Variants in EEA1 observed in about 807,000 individuals in gnomAD.
EEA1 encodes the protein early endosome antigen 1, also known as early endosome antigen 1, 162kD.
A neutral mutation model predicts 209.2 loss-of-function variants in EEA1; 111 were observed. That is an observed-to-expected ratio of 0.53 (90% CI 0.45 to 0.62). EEA1 has a LOEUF of 0.62. Ranked by LOEUF, EEA1 falls within the 20% of genes least tolerant of loss-of-function variation. The pLI, the probability that EEA1 is intolerant of heterozygous loss-of-function variation, is 0.00. For synonymous variants in EEA1, 536 were observed against 540.6 expected (o/e 0.99, Z 0.12); for missense variants, 1,343 against 1,530.8 (o/e 0.88, Z 2.05).
At chr12:92,853,150 T>A in intron 6 of EEA1, 125 bp from the exon 7 acceptor site, 1 of 567,332 alleles carries the variant, frequency 1.8e-6, no homozygotes, top group Non-Finnish European at 3.0e-6. Context: ...ACAAGTAGTA[T>A]TTTGACACTT....
intron 1 of EEA1, among the ~76,000 whole-genome samples, chr12:92,913,614 T>TTTTCCTAGGTTTTCTTCC (rs1880657918): frequency 6.6e-6 from 1 of 152,174 alleles, no homozygotes; most frequent in Non-Finnish European, 1.5e-5. Flanking sequence ...TCCAGAGAGA[T>TTTTCCTAGGTTTTCTTCC]TTTCCTAGGT....
At chr12:92,847,248 C>A (rs1402201029) in intron 9 of EEA1, among the ~76,000 whole-genome samples, 1 of 152,144 alleles carries the variant, frequency 6.6e-6, no homozygotes, top group Non-Finnish European at 1.5e-5. Flanking sequence ...AGCCACTGCA[C>A]CTGGCCCTTA....
At chr12:92,779,787 T>C (rs1873825741) in intron 24 of EEA1, among the ~76,000 whole-genome samples, 2 of 152,096 alleles carry the variant, frequency 1.3e-5, no homozygotes, top group African/African-American at 2.4e-5. Flanking sequence ...GAATCTAACC[T>C]TTTTTTAAGA....
At chr12:92,796,869 C>T (rs1436192375) in intron 21 of EEA1, among the ~76,000 whole-genome samples, 5 of 152,178 alleles carry the variant, frequency 3.3e-5, no homozygotes, top group African/African-American at 9.7e-5. Flanking sequence ...TCAATCTTTA[C>T]AACAACTCTA....
In EEA1 at chr12:92,884,423, G is replaced by A. The variant is rs1879294205; in HGVS notation, c.117+7206C>T. The A allele has an allele frequency of 2.9e-6, 4 of 1,371,716 alleles. No homozygotes were observed. In the South Asian group the frequency reaches 4.6e-5, roughly 16 times the overall value. 85.0% of individuals were successfully genotyped at this position (1,371,716 alleles called of 1,614,324 possible). The stretch of plus-strand genomic sequence containing the variant: ...TGGCAGGAATGACAACACTGGTAGT[G>A]GAGGAAACTTCAGTGGTGGTGGTGG... On this transcript the variant is annotated intron_variant, in intron 2 of 28. Transcript: ENST00000322349.
chr12:92,791,082 T>G (rs941670519), intron 21 of EEA1, among the ~76,000 whole-genome samples: 1 of 152,212 alleles, frequency 6.6e-6, no homozygotes, highest in African/African-American at 2.4e-5. Context: ...CTGAGAGATT[T>G]TGTCACCACC....
At chr12:92,855,467 A>T (rs1398592207) in intron 5 of EEA1, among the ~76,000 whole-genome samples, 1 of 134,222 alleles carries the variant, frequency 7.5e-6, no homozygotes, top group Non-Finnish European at 1.6e-5. Context: ...TCAAACTATC[A>T]CTACTAAAAA....
At chr12:92,858,756 GAA>G (rs1291743984) in intron 3 of EEA1, 1 of 766,720 alleles carries the variant, frequency 1.3e-6, no homozygotes, top group Non-Finnish European at 2.4e-6. Context: ...CCCTAAAGGA[GAA>G]AGTCATCAAA....
intron 2 of EEA1, among the ~76,000 whole-genome samples, chr12:92,873,725 A>G (rs1011015759): frequency 6.6e-6 from 1 of 152,198 alleles, no homozygotes; most frequent in Non-Finnish European, 1.5e-5. Flanking sequence ...GAGACCTTCA[A>G]TTGCCTCATC....
intron 1 of EEA1, among the ~76,000 whole-genome samples, chr12:92,913,650 G>C (rs1053683450): frequency 6.6e-6 from 1 of 151,862 alleles, no homozygotes; most frequent in African/African-American, 2.4e-5. Flanking sequence ...TTACTTCCAG[G>C]TTTTTTGTTT....
intron 3 of EEA1, 138 bp downstream of exon 3, chr12:92,864,722 A>C: frequency 1.3e-6 from 1 of 786,162 alleles, no homozygotes; most frequent in Non-Finnish European, 1.8e-6. Flanking sequence ...TAGTGGAGGA[A>C]GGATATGCTA....
At position 92,929,058 on chromosome 12, in the gene EEA1, CCTT is replaced by C. The variant is rs1881325351; in HGVS notation, c.6_8del (p.Arg4del). On this transcript the variant is annotated inframe_deletion, in exon 1 of 29. Transcript: ENST00000322349. ...ACTCTCTTACCCTCTGTAAAATCCTCCTTAACATGGTTTAACCACCACCCGGCG... is the reference window on the plus strand; with the variant it reads ...ACTCTCTTACCCTCTGTAAAATCCTCAACATGGTTTAACCACCACCCGGCG... 4 of 1,595,772 alleles carry C rather than the reference CCTT, an allele frequency of 2.5e-6. No individual in the cohort carries two copies. Among genetic ancestry groups the C allele is most frequent in the Non-Finnish European group, 3.4e-6 (4 of 1,171,946 alleles).
Position 92,838,492 on chromosome 12 carries a change from C to T in EEA1, c.915+3973G>A, listed in dbSNP as rs115033579. On this transcript the variant is annotated intron_variant, in intron 10 of 28. Coordinates refer to ENST00000322349, the MANE Select transcript of EEA1 (RefSeq NM_003566.4). ...AACTAAATTATGTAGAAGTTTTCTA[C>T]GTGTAGTTTGACAGGATATAAAAGG... 2.7e-3 allele frequency among the ~76,000 whole-genome samples: 412 copies of T among 152,152 alleles called. 1 individual carries two copies. The highest frequency in any genetic ancestry group is 8.7e-3 in the African/African-American group (363 of 41,512).
intron 20 of EEA1, among the ~76,000 whole-genome samples, chr12:92,799,515 G>A (rs572032037): frequency 1.3e-5 from 2 of 152,160 alleles, no homozygotes; most frequent in East Asian, 1.9e-4. Flanking sequence ...GGCCAGGCAC[G>A]GTGGCTCACA....
At chr12:92,911,813 T>C (rs1403823009) in intron 1 of EEA1, among the ~76,000 whole-genome samples, 3 of 137,052 alleles carry the variant, frequency 2.2e-5, no homozygotes, top group African/African-American at 8.2e-5. Context: ...AGTAACTTGT[T>C]TTTCAAATCT....
intron 7 of EEA1, 38 bp from the exon 8 acceptor site, chr12:92,852,334 G>T (rs1592736883): frequency 2.1e-6 from 3 of 1,442,340 alleles, no homozygotes; most frequent in Non-Finnish European, 2.8e-6. Context: ...AGTTTAAGGG[G>T]AGGACAGTTT....
chr12:92,914,821 G>C (rs563610331), intron 1 of EEA1, among the ~76,000 whole-genome samples: 2 of 151,962 alleles, frequency 1.3e-5, no homozygotes, highest in African/African-American at 4.8e-5. Context: ...GCATCCCCAC[G>C]ACCAACTAAT....
chr12:92,878,541 A>G (rs558481557), intron 2 of EEA1, among the ~76,000 whole-genome samples: 2 of 152,340 alleles, frequency 1.3e-5, no homozygotes, highest in African/African-American at 4.8e-5. Context: ...TTTAGGACAA[A>G]TATTAAATTT....
chr12:92,896,604 T>C (rs180748278), intron 1 of EEA1, among the ~76,000 whole-genome samples: 1 of 151,730 alleles, frequency 6.6e-6, no homozygotes, highest in African/African-American at 2.4e-5. Context: ...ATGCCACAAC[T>C]CCAGCCTGAC....
Sources: gnomAD v4.1 joint callset for allele counts (sites outside exome capture counted in the v4.1 genomes callset) on GRCh38, gnomAD v4.1.1 for gene constraint, MANE v1.5 for transcripts, NCBI Gene and HGNC (gene_info 2026-07-23, HGNC 2026-07-21) for gene names.